The following ARHGEF33 variants were observed in gnomAD, a reference collection of about 807,000 sequenced individuals.
The protein encoded by ARHGEF33 is DH and coiled-coil domain-containing protein ENSP00000381780.
ARHGEF33 carries 72 observed loss-of-function variants against 101.9 expected under a neutral mutation model. That is an observed-to-expected ratio of 0.71 (90% CI 0.58 to 0.86). ARHGEF33 has a LOEUF of 0.86. Among genes scored for constraint, ARHGEF33 ranks in the 40% least tolerant of loss-of-function variants. The probability of loss-of-function intolerance (pLI) is 0.00; values close to 1 mark genes in which losing one functional copy is unlikely to be tolerated. For missense variants in ARHGEF33, 1,169 were observed against 1,111.3 expected (o/e 1.05, Z -0.74); for synonymous variants, 499 against 442.5 (o/e 1.13, Z -1.60).
chr2:38,967,478 A>G (rs1668073639), intron 17 of ARHGEF33, among the ~76,000 whole-genome samples: 1 of 152,174 alleles, frequency 6.6e-6, no homozygotes. Flanking sequence ...CTAGGATCAT[A>G]TAGACTTAGA....
At chr2:38,893,644 T>C (rs1264648709) in intron 1 of ARHGEF33, among the ~76,000 whole-genome samples, 1 of 152,204 alleles carries the variant, frequency 6.6e-6, no homozygotes, top group Non-Finnish European at 1.5e-5. Flanking sequence ...TATTTATGTG[T>C]CTCATCTTCC....
intron 17 of ARHGEF33, among the ~76,000 whole-genome samples, chr2:38,972,755 C>G (rs1457300777): frequency 2.6e-5 from 4 of 152,094 alleles, no homozygotes; most frequent in African/African-American, 9.7e-5. Flanking sequence ...ACTCGGAGGC[C>G]CTGGATCCTT....
intron 15 of ARHGEF33, 82 bp downstream of exon 15, chr2:38,958,280 G>T: frequency 6.7e-7 from 1 of 1,490,416 alleles, no homozygotes. Flanking sequence ...GGGCAGCCTA[G>T]ATTCCTCCAT....
intron 12 of ARHGEF33, among the ~76,000 whole-genome samples, chr2:38,954,024 T>C (rs1374734206): frequency 1.3e-5 from 2 of 152,244 alleles, no homozygotes; most frequent in Non-Finnish European, 2.9e-5. Flanking sequence ...TACTACACCA[T>C]TGTCATGATT....
Position 38,919,399 on chromosome 2 carries a change from G to A in ARHGEF33, c.-49G>A. The A allele has an allele frequency of 1.3e-6, 2 of 1,549,942 alleles. No homozygotes were observed. Among genetic ancestry groups the A allele is most frequent in the Admixed American group, 2.0e-5 (1 of 50,994 alleles). On this transcript the variant is annotated 5_prime_UTR_variant, in exon 3 of 18. It removes an upstream start codon present in the reference 5' UTR. Coordinates refer to ENST00000409978, the MANE Select transcript of ARHGEF33 (RefSeq NM_001145451.5). The stretch of plus-strand genomic sequence containing the variant: ...AGGAGGTGGCCTGAGCCAGGACGAT[G>A]AGGATGCAATGTTGAAGAATAAGCT...
At chr2:38,894,547 T>C (rs995783289) in intron 1 of ARHGEF33, among the ~76,000 whole-genome samples, 1 of 151,910 alleles carries the variant, frequency 6.6e-6, no homozygotes, top group Non-Finnish European at 1.5e-5. Flanking sequence ...GTTAGATGAG[T>C]TCCTTAGTGA....
intron 2 of ARHGEF33, among the ~76,000 whole-genome samples, chr2:38,906,710 A>G (rs1264007275): frequency 1.3e-5 from 2 of 151,570 alleles, no homozygotes; most frequent in African/African-American, 2.4e-5. Flanking sequence ...TCATGCCTGT[A>G]ATAATCCCAG....
In ARHGEF33 at chr2:38,956,308, T is replaced by C. The variant is rs115393289; in HGVS notation, c.1222-591T>C. On this transcript the variant is annotated intron_variant, in intron 13 of 17. Coordinates refer to ENST00000409978, the MANE Select transcript of ARHGEF33 (RefSeq NM_001145451.5). ...CTTCTTCGTACCTCGATTTCCTTAC[T>C]TGTTAAATGGAGTTTATAATGGTAC... is the stretch of plus-strand genomic sequence containing the variant. 7.7e-3 allele frequency among the ~76,000 whole-genome samples: 1,173 copies of C among 152,340 alleles called. 11 individuals are homozygous for C. The highest frequency in any genetic ancestry group is 0.011 in the Non-Finnish European group (732 of 68,026).
At position 38,953,199 on chromosome 2, in the gene ARHGEF33, A is replaced by G; in HGVS notation, c.1091A>G (p.Asp364Gly). The change falls in exon 12 of 18, where the codon GAC (aspartate) becomes GGC (glycine). Residue 364 changes from aspartate to glycine, a missense_variant. By Grantham distance (94) the Asp-to-Gly change is moderately conservative (BLOSUM62 -1). Coordinates refer to ENST00000409978, the MANE Select transcript of ARHGEF33 (RefSeq NM_001145451.5). ...GATTATTATGTTGCCTACCTAAGGG[A>G]CCTGCCTGAGTGCATCTCATTGGTT... ...FLDYYVAYLR[D>G]LPECISLVHV... 2 of 1,544,690 alleles carry G rather than the reference A, an allele frequency of 1.3e-6. No homozygotes were observed. The highest frequency in any genetic ancestry group is 4.9e-5 in the East Asian group (2 of 40,898).
intron 2 of ARHGEF33, among the ~76,000 whole-genome samples, chr2:38,907,336 G>A (rs897835401): frequency 2.0e-5 from 3 of 152,202 alleles, no homozygotes; most frequent in Non-Finnish European, 4.4e-5. Context: ...GGAAATTATA[G>A]TCATTCTGAA....
chr2:38,950,636 G>A (rs1157779446), intron 10 of ARHGEF33, among the ~76,000 whole-genome samples: 2 of 152,094 alleles, frequency 1.3e-5, no homozygotes, highest in African/African-American at 4.8e-5. Flanking sequence ...TTTTAGTAGA[G>A]ATGGGGTTTC....
rs796752615 is a variant in ARHGEF33 at position 38,921,410 on chromosome 2, C to A, written c.62C>A (p.Thr21Lys). 5.2e-6 allele frequency: 8 copies of A among 1,544,604 alleles called. No homozygotes were observed. In the South Asian group the frequency reaches 6.0e-5, roughly 12 times the overall value. ...NEHMPVNNPS[T>K]QIYQLQALAS... ...CATATGCCGGTGAATAATCCTTCCA[C>A]GCAGATTTACCAGGTAAAGACAAAT... The change falls in exon 4 of 18, where the codon ACG becomes AAG. Residue 21 changes from threonine (T) to lysine (K), a missense_variant. Thr to Lys is a moderately conservative substitution (Grantham distance 78). Coordinates refer to ENST00000409978, the MANE Select transcript of ARHGEF33 (RefSeq NM_001145451.5).
At chr2:38,925,385 T>C (rs918438209) in intron 4 of ARHGEF33, among the ~76,000 whole-genome samples, 34 of 152,336 alleles carry the variant, frequency 2.2e-4, no homozygotes, top group African/African-American at 8.2e-4. Flanking sequence ...TAAATCCTGA[T>C]TGAGACTAAG....
intron 7 of ARHGEF33, 120 bp from the exon 8 acceptor site, chr2:38,935,655 T>C: frequency 1.4e-6 from 1 of 706,498 alleles, no homozygotes; most frequent in Admixed American, 2.9e-5. Context: ...TTTTTTTTAC[T>C]GCTCTGCCTC....
rs1227789901 is a variant in ARHGEF33, at chr2:38,927,951, C to T, written c.76-956C>T. ...CATTTTCTCCACATTTCTGTTTGTG[C>T]TTAACTTTTTGATTTACCACCTAAA... is the stretch of plus-strand genomic sequence containing the variant. On this transcript the variant is annotated intron_variant, in intron 4 of 17. Transcript: ENST00000409978. 3.3e-5 allele frequency among the ~76,000 whole-genome samples: 5 copies of T among 152,246 alleles called. No individual in the cohort carries two copies. The East Asian group carries it at 7.7e-4, about 23-fold the overall frequency.
intron 9 of ARHGEF33, among the ~76,000 whole-genome samples, chr2:38,941,574 G>A (rs1178626114): frequency 6.7e-6 from 1 of 149,642 alleles, no homozygotes; most frequent in East Asian, 2.0e-4. Context: ...TTGAGACGGA[G>A]TCTTGCACTG....
chr2:38,890,446 A>T (rs957059870), intron 1 of ARHGEF33, among the ~76,000 whole-genome samples: 1 of 152,174 alleles, frequency 6.6e-6, no homozygotes, highest in African/African-American at 2.4e-5. Flanking sequence ...AATCTTCAGC[A>T]TTCACTCCCC....
intron 2 of ARHGEF33, among the ~76,000 whole-genome samples, chr2:38,898,702 C>G (rs1371850298): frequency 3.3e-5 from 5 of 152,124 alleles, no homozygotes; most frequent in Non-Finnish European, 7.3e-5. Context: ...GTTTTACATC[C>G]TGCTTCTTGG....
intron 17 of ARHGEF33, among the ~76,000 whole-genome samples, chr2:38,967,742 A>ATTT (rs546430517): frequency 3.1e-5 from 4 of 128,370 alleles, no homozygotes; most frequent in African/African-American, 8.6e-5. Context: ...CGCCCTGGCT[A>ATTT]TTTTTTTTTT....
Sources: gnomAD v4.1 joint callset for allele counts (sites outside exome capture counted in the v4.1 genomes callset) on GRCh38, gnomAD v4.1.1 for gene constraint, MANE v1.5 for transcripts, NCBI Gene and HGNC (gene_info 2026-07-23, HGNC 2026-07-21) for gene names.